The following ESRRG variants were observed in gnomAD, a reference collection of about 807,000 sequenced individuals.
ESRRG encodes estrogen related receptor gamma.
ESRRG carries 13 observed loss-of-function variants against 44.0 expected under a neutral mutation model. The observed-to-expected ratio is 0.30, with a 90% CI of 0.19 to 0.47. The LOEUF (loss-of-function observed/expected upper bound fraction) is 0.47, where lower values mean the gene tolerates loss of function less well. Among genes scored for constraint, ESRRG ranks in the 20% least tolerant of loss-of-function variants. The pLI is 1.00. For missense variants in ESRRG, 395 were observed against 580.6 expected (o/e 0.68, Z 3.29); for synonymous variants, 215 against 214.6 (o/e 1.00, Z -0.02).
In ESRRG at chr1:217,133,438, A is replaced by G. The variant is rs774720564; in HGVS notation, c.-230+4229T>C. 1.3e-5 allele frequency among the ~76,000 whole-genome samples: 2 copies of G among 152,246 alleles called. 1 individual carries two copies. The highest frequency in any genetic ancestry group is 1.3e-4 in the Admixed American group (2 of 15,290). ...GGAGCCCACGCTCGGGCCTTCTCCA[A>G]CTTTGGCCAATACTTGAGCGACGCG... On this transcript the variant is annotated intron_variant, in intron 1 of 8. Coordinates refer to the ESRRG transcript ENST00000366940.
chr1:217,040,523 G>A (rs1478586329), intron 1 of ESRRG, among the ~76,000 whole-genome samples: 1 of 152,114 alleles, frequency 6.6e-6, no homozygotes, highest in South Asian at 2.1e-4. Flanking sequence ...CTTTAGTTAA[G>A]CTTTTTCAGC....
chr1:217,075,825 T>A (rs2091223077), intron 1 of ESRRG, among the ~76,000 whole-genome samples: 1 of 152,090 alleles, frequency 6.6e-6, no homozygotes, highest in Admixed American at 6.5e-5. Context: ...AAACAAAGAG[T>A]TTGCCAGATA....
intron 1 of ESRRG, among the ~76,000 whole-genome samples, chr1:216,986,583 C>T (rs1305714267): frequency 6.6e-6 from 1 of 151,704 alleles, no homozygotes; most frequent in Non-Finnish European, 1.5e-5. Flanking sequence ...AAAAATCAGC[C>T]TGGAGTGGCG....
At chr1:217,026,910 CACAGAGAGAGAG>C (rs1239514538) in intron 1 of ESRRG, among the ~76,000 whole-genome samples, 5 of 97,190 alleles carry the variant, frequency 5.1e-5, no homozygotes, top group Non-Finnish European at 8.4e-5. Context: ...CACACACACA[CACAGAGAGAGAG>C]AGAGAGAGAG....
intron 3 of ESRRG, among the ~76,000 whole-genome samples, chr1:216,580,138 G>A (rs1297366250): frequency 6.6e-6 from 1 of 152,184 alleles, no homozygotes; most frequent in Non-Finnish European, 1.5e-5. Flanking sequence ...TGTATCACAT[G>A]CCTGCTACAC....
intron 2 of ESRRG, among the ~76,000 whole-genome samples, chr1:216,672,105 A>G (rs900435314): frequency 4.6e-5 from 7 of 151,624 alleles, no homozygotes; most frequent in African/African-American, 1.5e-4. Context: ...ATTAAGGCCA[A>G]AATTGGAATT....
At chr1:216,745,129 T>C (rs1363337446) in intron 2 of ESRRG, among the ~76,000 whole-genome samples, 1 of 152,012 alleles carries the variant, frequency 6.6e-6, no homozygotes, top group Non-Finnish European at 1.5e-5. Flanking sequence ...CACATTTTGC[T>C]TGTCTTTCAT....
intron 3 of ESRRG, among the ~76,000 whole-genome samples, chr1:216,610,209 C>CT (rs77574879): frequency 0.36 from 50,905 of 140,216 alleles, 10,529 homozygotes; most frequent in Non-Finnish European, 0.5. Context: ...AAATTCAGTG[C>CT]TTTTTTTTTT....
At chr1:216,801,426 C>G (rs1451193706) in intron 2 of ESRRG, among the ~76,000 whole-genome samples, 1 of 152,172 alleles carries the variant, frequency 6.6e-6, no homozygotes, top group African/African-American at 2.4e-5. Context: ...CCGACAACCC[C>G]CTGCCCCCTG....
At chr1:216,546,009 C>A (rs574131221) in intron 5 of ESRRG, among the ~76,000 whole-genome samples, 11 of 152,062 alleles carry the variant, frequency 7.2e-5, no homozygotes, top group South Asian at 2.1e-4. Context: ...ATAAGATTTG[C>A]AAAATTGAAT....
intron 1 of ESRRG, among the ~76,000 whole-genome samples, chr1:216,972,774 T>TA (rs2071965340): frequency 6.6e-6 from 1 of 152,210 alleles, no homozygotes; most frequent in Non-Finnish European, 1.5e-5. Flanking sequence ...AACTAGTATG[T>TA]ACTACATAAG....
chr1:216,566,979 T>C (rs532040879), intron 4 of ESRRG, among the ~76,000 whole-genome samples: 6 of 152,334 alleles, frequency 3.9e-5, no homozygotes, highest in African/African-American at 1.4e-4. Context: ...TGCTCACATA[T>C]GTATGATGCA....
At chr1:216,543,929 T>C (rs1376444376) in intron 5 of ESRRG, among the ~76,000 whole-genome samples, 2 of 152,072 alleles carry the variant, frequency 1.3e-5, no homozygotes, top group African/African-American at 4.8e-5. Context: ...ATAGAAACTT[T>C]TGATAACTTG....
intron 1 of ESRRG, among the ~76,000 whole-genome samples, chr1:216,955,353 G>T (rs995757212): frequency 1.3e-5 from 2 of 152,112 alleles, no homozygotes; most frequent in Non-Finnish European, 2.9e-5. Flanking sequence ...CATCCACATT[G>T]CTGTGAATGA....
chr1:216,624,232 T>C (rs1188902175), intron 3 of ESRRG, among the ~76,000 whole-genome samples: 5 of 152,216 alleles, frequency 3.3e-5, no homozygotes, highest in Non-Finnish European at 1.5e-5. Context: ...AACATGTCTT[T>C]GCTCATTTCC....
chr1:216,721,495 T>C (rs982573999), intron 1 of ESRRG, among the ~76,000 whole-genome samples: 3 of 152,182 alleles, frequency 2.0e-5, no homozygotes, highest in Non-Finnish European at 4.4e-5. Context: ...AAAGATGACT[T>C]TTAATTGAGC....
intron 2 of ESRRG, among the ~76,000 whole-genome samples, chr1:216,809,912 T>A (rs541267145): frequency 6.6e-6 from 1 of 152,270 alleles, no homozygotes; most frequent in East Asian, 1.9e-4. Context: ...TCTCTTTATG[T>A]CAGAACAAAT....
chr1:216,757,762 A>G (rs2092542149), intron 2 of ESRRG, among the ~76,000 whole-genome samples: 1 of 152,104 alleles, frequency 6.6e-6, no homozygotes, highest in South Asian at 2.1e-4. Context: ...ATTTGCAATT[A>G]AGACTTCAGA....
intron 2 of ESRRG, among the ~76,000 whole-genome samples, chr1:216,936,334 A>G (rs975022458): frequency 6.6e-6 from 1 of 152,200 alleles, no homozygotes; most frequent in African/African-American, 2.4e-5. Context: ...GCATGTCAGT[A>G]TCATTCTTAT....
Sources: gnomAD v4.1 joint callset for allele counts (sites outside exome capture counted in the v4.1 genomes callset) on GRCh38, gnomAD v4.1.1 for gene constraint, MANE v1.5 for transcripts, NCBI Gene and HGNC (gene_info 2026-07-23, HGNC 2026-07-21) for gene names.